The following RSRP1 variants were observed in gnomAD, a reference collection of about 807,000 sequenced individuals.
RSRP1 encodes the protein arginine and serine rich protein 1, also known as arginine/serine-rich protein 1.
RSRP1 carries 37 observed loss-of-function variants against 33.0 expected under a neutral mutation model. The ratio of observed to expected loss-of-function variants is 1.12; its 90% CI spans 0.86 to 1.48. The LOEUF is 1.48. Ranked by LOEUF, RSRP1 falls within the 40% of genes most tolerant of loss-of-function variation. The pLI, the probability that RSRP1 is intolerant of heterozygous loss-of-function variation, is 0.00. For missense variants in RSRP1, 402 were observed against 385.3 expected (o/e 1.04, Z -0.36); for synonymous variants, 167 against 158.7 (o/e 1.05, Z -0.40).
chr1:25,245,405 T>C (rs1425113432), intron 2 of RSRP1, 104 bp from the exon 3 acceptor site: 2 of 1,384,296 alleles, frequency 1.4e-6, no homozygotes, highest in South Asian at 2.9e-5. Context: ...TGGTATTAAA[T>C]ATATTAAGTC....
At chr1:25,295,489 C>T (rs190056379) in intron 1 of RSRP1, among the ~76,000 whole-genome samples, 7,302 of 76,864 alleles carry the variant, frequency 0.095, 962 homozygotes, top group Middle Eastern at 0.11. Flanking sequence ...GGAAGTGAGC[C>T]GGACAGATAG....
intron 1 of RSRP1, among the ~76,000 whole-genome samples, chr1:25,334,722 C>T (rs1245741018): frequency 1.5e-5 from 2 of 133,176 alleles, no homozygotes; most frequent in Non-Finnish European, 1.8e-5. Flanking sequence ...TCTGTGCACT[C>T]GCAGTCTCAA....
At chr1:25,324,400 AT>A (rs1644861617) in intron 1 of RSRP1, among the ~76,000 whole-genome samples, 1 of 142,080 alleles carries the variant, frequency 7.0e-6, no homozygotes, top group South Asian at 2.2e-4. Context: ...AGGAAACCCG[AT>A]GTTGGCCATC....
intron 1 of RSRP1, among the ~76,000 whole-genome samples, chr1:25,295,827 T>G (rs1468775523): frequency 9.6e-6 from 1 of 104,410 alleles, no homozygotes; most frequent in Non-Finnish European, 2.3e-5. Context: ...AAAAGAACAA[T>G]GGTCTGGGAG....
chr1:25,243,793 A>G, intron 3 of RSRP1, 160 bp from the exon 4 acceptor site: 6 of 1,373,876 alleles, frequency 4.4e-6, no homozygotes, highest in Non-Finnish European at 5.6e-6. Flanking sequence ...TTTTCCCCTT[A>G]ACAAAACTGA....
chr1:25,243,673 C>A (rs767456463), intron 3 of RSRP1, 40 bp from the exon 4 acceptor site: 4 of 1,606,218 alleles, frequency 2.5e-6, no homozygotes, highest in Non-Finnish European at 2.6e-6. Context: ...AAAACACATA[C>A]CCTTGGTTTC....
intron 1 of RSRP1, among the ~76,000 whole-genome samples, chr1:25,295,914 T>G (rs1471993368): frequency 8.9e-6 from 1 of 111,746 alleles, no homozygotes; most frequent in Non-Finnish European, 2.1e-5. Context: ...CCAGGCTGGA[T>G]TGCAATGTTG....
upstream of RSRP1, among the ~76,000 whole-genome samples, chr1:25,251,024 T>TA (rs1167573575): frequency 9.9e-3 from 1,386 of 140,548 alleles, 19 homozygotes; most frequent in African/African-American, 0.033. Context: ...AAAAAATAAT[T>TA]AAAAAAAAAA....
In RSRP1 at chr1:25,306,881, C is replaced by A. The variant is rs41307824; in HGVS notation, c.-67+31097G>T. On this transcript the variant is annotated intron_variant, in intron 1 of 1. Coordinates refer to the RSRP1 transcript ENST00000561867. ...TTGTTGGCTGATTTATTCAGAAATT[C>A]TGTCCAGCCCCTACCTTGGATGGAT... is the stretch of plus-strand genomic sequence containing the variant. 7.2e-3 allele frequency: 5,960 copies of A among 829,780 alleles called. 1,001 individuals are homozygous for A. Among genetic ancestry groups the A allele is most frequent in the African/African-American group, 0.024 (1,468 of 59,982 alleles). 51.4% of individuals were successfully genotyped at this position (829,780 alleles called of 1,614,324 possible). A position where few individuals can be genotyped will look rare whatever the true frequency, so the allele number is the denominator to read the frequency against.
At chr1:25,334,341 G>T (rs1571786277) in intron 1 of RSRP1, among the ~76,000 whole-genome samples, 1 of 132,500 alleles carries the variant, frequency 7.5e-6, no homozygotes, top group Admixed American at 7.3e-5. Context: ...TCCAGGTCAC[G>T]CAGATGGAAG....
At chr1:25,253,219 T>C (rs1020782447) in intron 1 of RSRP1, 2 of 152,196 alleles carry the variant, frequency 1.3e-5, no homozygotes, top group African/African-American at 4.8e-5. Context: ...TACAGAATTT[T>C]TGATGAATAT....
intron 1 of RSRP1, among the ~76,000 whole-genome samples, chr1:25,311,949 A>G (rs1174746257): frequency 7.7e-6 from 1 of 129,892 alleles, no homozygotes; most frequent in African/African-American, 2.7e-5. Context: ...AGCAGGGTCT[A>G]GTGGAGCTAC....
rs565512603 is a variant in RSRP1, at chr1:25,309,985, A to T, written c.-67+27993T>A. On this transcript the variant is annotated intron_variant, in intron 1 of 1. Transcript: ENST00000561867. Reference sequence around the variant, plus strand: ...ATTCTGCCACTTATTACTTAAAAAAACCCCAAAAAACCCAACTTATATAGT... The same window carrying T: ...ATTCTGCCACTTATTACTTAAAAAATCCCCAAAAAACCCAACTTATATAGT... 2.3e-5 allele frequency among the ~76,000 whole-genome samples: 3 copies of T among 132,424 alleles called. 1 individual carries two copies. The highest frequency in any genetic ancestry group is 5.4e-5 in the Non-Finnish European group (3 of 55,576). The allele number at this position is 132,424 out of a possible 152,430, so 86.9% of individuals were successfully genotyped here. A position where few individuals can be genotyped will look rare whatever the true frequency, so the allele number is the denominator to read the frequency against.
At chr1:25,286,508 C>A (rs376963872) in intron 1 of RSRP1, among the ~76,000 whole-genome samples, 2 of 134,596 alleles carry the variant, frequency 1.5e-5, no homozygotes, top group Non-Finnish European at 3.5e-5. Context: ...TTTTAGGGGC[C>A]GGGCGCAGTG....
upstream of RSRP1, among the ~76,000 whole-genome samples, chr1:25,251,045 G>T (rs1227626452): frequency 6.6e-6 from 1 of 151,560 alleles, no homozygotes; most frequent in Non-Finnish European, 1.5e-5. Flanking sequence ...AAGAAAGAAA[G>T]AAATGTAGGG....
At chr1:25,316,622 A>G (rs1371213282) in intron 1 of RSRP1, among the ~76,000 whole-genome samples, 1,392 of 116,726 alleles carry the variant, frequency 0.012, 150 homozygotes, top group African/African-American at 0.037. Flanking sequence ...AAAACAGAAA[A>G]AAAAAAAAAA....
At chr1:25,244,406 A>G (rs1425008803) in intron 3 of RSRP1, 1 of 1,289,328 alleles carries the variant, frequency 7.8e-7, no homozygotes, top group Non-Finnish European at 1.0e-6. Flanking sequence ...GTGTGTGAAC[A>G]TAAACTTCAA....
upstream of RSRP1, chr1:25,248,314 C>T (rs938188298): frequency 7.3e-5 from 11 of 150,350 alleles, no homozygotes; most frequent in African/African-American, 2.5e-4. Context: ...TGTAATAAAG[C>T]ATAACAATTG....
chr1:25,244,689 T>C, intron 3 of RSRP1: 4 of 1,193,144 alleles, frequency 3.4e-6, no homozygotes, highest in Non-Finnish European at 4.2e-6. Flanking sequence ...ATGAAAAAAA[T>C]AAATGTATTT....
Sources: allele counts gnomAD v4.1 joint callset (sites outside exome capture counted in the v4.1 genomes callset), GRCh38; gene constraint gnomAD v4.1.1; transcripts MANE v1.5; gene names NCBI Gene and HGNC (gene_info 2026-07-23, HGNC 2026-07-21).